The following UBR2 variants were observed in gnomAD, a reference collection of about 807,000 sequenced individuals.
UBR2 encodes E3 ubiquitin-protein ligase UBR2.
UBR2 carries 92 observed loss-of-function variants against 247.9 expected under a neutral mutation model. The observed-to-expected ratio is 0.37, with a 90% CI of 0.31 to 0.44. The LOEUF is 0.44. Among genes scored for constraint, UBR2 ranks in the 20% least tolerant of loss-of-function variants. The probability of loss-of-function intolerance (pLI) is 1.00; values close to 1 mark genes in which losing one functional copy is unlikely to be tolerated. For missense variants in UBR2, 1,613 were observed against 2,112.6 expected, an observed-to-expected ratio of 0.76 and a Z score of 4.64; for synonymous variants, 672 against 693.5, an observed-to-expected ratio of 0.97 and a Z score of 0.49.
At chr6:42,574,926 T>C (rs1791405204) in intron 2 of UBR2, among the ~76,000 whole-genome samples, 1 of 151,984 alleles carries the variant, frequency 6.6e-6, no homozygotes, top group South Asian at 2.1e-4. Flanking sequence ...CTCAAACTCC[T>C]GACCTCAGAT....
intron 5 of UBR2, among the ~76,000 whole-genome samples, chr6:42,604,887 C>T (rs1457525421): frequency 6.6e-6 from 1 of 151,942 alleles, no homozygotes; most frequent in African/African-American, 2.4e-5. Flanking sequence ...ATTAGCTGGG[C>T]AGGGTAGTGC....
chr6:42,630,144 G>GTAGTAT (rs199623381), intron 11 of UBR2, among the ~76,000 whole-genome samples: 3,479 of 150,120 alleles, frequency 0.023, 122 homozygotes, highest in African/African-American at 0.08. Context: ...AGTAGTAGTA[G>GTAGTAT]TAGTAGTAGT....
At chr6:42,606,711 T>C in intron 7 of UBR2, 60 bp downstream of exon 7, 1 of 1,394,598 alleles carries the variant, frequency 7.2e-7, no homozygotes, top group East Asian at 2.4e-5. Flanking sequence ...AGCTTCATAT[T>C]TCAGCATTTA....
chr6:42,595,206 A>G (rs1043423008), intron 4 of UBR2, among the ~76,000 whole-genome samples: 2 of 152,148 alleles, frequency 1.3e-5, no homozygotes, highest in African/African-American at 2.4e-5. Context: ...TATACAGTAA[A>G]TTGTTAATTA....
chr6:42,614,100 C>G (rs574590652), intron 8 of UBR2, among the ~76,000 whole-genome samples: 1 of 147,610 alleles, frequency 6.8e-6, no homozygotes, highest in Non-Finnish European at 1.5e-5. Context: ...TTGCGTGAAC[C>G]CAGGAGGCAG....
rs1207520022 is a variant in UBR2, at chr6:42,659,518, TATAC to T, written c.3243-136_3243-133del. 1,467 of 508,330 alleles carry T rather than the reference TATAC, an allele frequency of 2.9e-3. 2 individuals are homozygous for T. Among genetic ancestry groups the T allele is most frequent in the African/African-American group, 5.0e-3 (108 of 21,798 alleles). The allele number at this position is 508,330 out of a possible 1,614,324, so 31.5% of individuals were successfully genotyped here. On this transcript the variant is annotated intron_variant, in intron 29 of 46. Transcript: ENST00000372901. The surrounding 1 kb of genome is among the most constrained non-coding windows in gnomAD (Gnocchi z 4.3). ...CTGTCTCAAAAAATAAATAAATATATATACACACACACACACACACACACACACA... is the reference window on the plus strand; with the variant it reads ...CTGTCTCAAAAAATAAATAAATATATACACACACACACACACACACACACA...
At chr6:42,616,954 C>G (rs1325045400) in intron 10 of UBR2, among the ~76,000 whole-genome samples, 2 of 152,174 alleles carry the variant, frequency 1.3e-5, no homozygotes, top group African/African-American at 4.8e-5. Context: ...TGTGGTTTAG[C>G]TCCACCAGCA....
rs367660387 is a variant in UBR2, at chr6:42,684,744, A to G, written c.4776-50A>G. ...TGCACATGGAAGTGCCTCATAGTAT[A>G]ATATGACCTAAATTAATGGAGTGTT... On this transcript the variant is annotated intron_variant, in intron 43 of 46. Transcript: ENST00000372901. The G allele has an allele frequency of 1.4e-5, 21 of 1,456,488 alleles. No homozygotes were observed. In the African/African-American group the frequency reaches 2.8e-4, roughly 19 times the overall value. 90.2% of individuals were successfully genotyped at this position (1,456,488 alleles called of 1,614,324 possible). A position where few individuals can be genotyped will look rare whatever the true frequency, so the allele number is the denominator to read the frequency against.
chr6:42,597,183 A>T (rs16895856), intron 4 of UBR2, among the ~76,000 whole-genome samples: 1 of 152,030 alleles, frequency 6.6e-6, no homozygotes, highest in African/African-American at 2.4e-5. Context: ...AATTTTAAGA[A>T]GACACCAGCA....
Position 42,678,679 on chromosome 6 carries a change from ACTTT to A in UBR2, c.4609+16_4609+19del. The A allele has an allele frequency of 1.2e-6, 2 of 1,604,924 alleles. No individual in the cohort carries two copies. The highest frequency in any genetic ancestry group is 1.7e-6 in the Non-Finnish European group (2 of 1,177,268). On this transcript the variant is annotated intron_variant, in intron 41 of 46. Coordinates refer to ENST00000372901, the MANE Select transcript of UBR2 (RefSeq NM_001363705.2). Reference sequence around the variant, plus strand: ...CCACCCGACATTCAAGGTAATTTATACTTTCTTTCAAAACGTAGGGAGAGTTAGT... The same window carrying A: ...CCACCCGACATTCAAGGTAATTTATACTTTCAAAACGTAGGGAGAGTTAGT...
intron 11 of UBR2, among the ~76,000 whole-genome samples, chr6:42,628,314 A>C (rs528040286): frequency 5.3e-5 from 8 of 152,270 alleles, no homozygotes. Context: ...TATTATGCAC[A>C]TCCCTGGTTA....
intron 2 of UBR2, among the ~76,000 whole-genome samples, chr6:42,588,519 G>A (rs958994003): frequency 6.6e-6 from 1 of 152,146 alleles, no homozygotes; most frequent in East Asian, 1.9e-4. Context: ...AGGAAAAATA[G>A]CCAGGCATAG....
At chr6:42,658,981 A>G (rs1264698421) in intron 29 of UBR2, among the ~76,000 whole-genome samples, 157 bp downstream of exon 29, 1 of 152,184 alleles carries the variant, frequency 6.6e-6, no homozygotes, top group Non-Finnish European at 1.5e-5. Flanking sequence ...ATTTAATCTT[A>G]GAAGTCTCTG....
At chr6:42,593,868 G>A (rs1052681704) in intron 3 of UBR2, among the ~76,000 whole-genome samples, 17 of 152,078 alleles carry the variant, frequency 1.1e-4, no homozygotes, top group Middle Eastern at 3.2e-3. Flanking sequence ...AACCTGTAGC[G>A]TAGATATCAG....
At chr6:42,606,017 G>A (rs1298228937) in intron 6 of UBR2, among the ~76,000 whole-genome samples, 158 bp downstream of exon 6, 2 of 152,130 alleles carry the variant, frequency 1.3e-5, no homozygotes, top group African/African-American at 4.8e-5. Flanking sequence ...GGCCAAGGCA[G>A]GCAGATCACG....
chr6:42,606,835 T>G (rs1206362682), intron 7 of UBR2, among the ~76,000 whole-genome samples, 184 bp downstream of exon 7: 1 of 152,204 alleles, frequency 6.6e-6, no homozygotes, highest in Admixed American at 6.5e-5. Context: ...GTAGGATTGA[T>G]ATAGAAAATG....
intron 15 of UBR2, among the ~76,000 whole-genome samples, chr6:42,638,363 A>AT (rs146988942): frequency 0.019 from 2,893 of 151,558 alleles, 78 homozygotes; most frequent in African/African-American, 0.067. Context: ...TTCTGAAGGC[A>AT]TTTTTTTTCA....
intron 2 of UBR2, among the ~76,000 whole-genome samples, chr6:42,583,439 G>C (rs1050462971): frequency 1.3e-5 from 2 of 151,348 alleles, no homozygotes; most frequent in African/African-American, 4.9e-5. Context: ...TAGAGGTGGG[G>C]TTTCCCCATG....
At chr6:42,662,355 C>T in intron 31 of UBR2, 78 bp downstream of exon 31, 1 of 949,318 alleles carries the variant, frequency 1.1e-6, no homozygotes, top group Non-Finnish European at 1.6e-6. Context: ...AAATTTCATT[C>T]TAGAAAAAAG....
Sources: gnomAD v4.1 joint callset for allele counts (sites outside exome capture counted in the v4.1 genomes callset) on GRCh38, gnomAD v4.1.1 for gene constraint, Gnocchi (gnomAD v3.1) non-coding constraint, MANE v1.5 for transcripts, NCBI Gene and HGNC (gene_info 2026-07-23, HGNC 2026-07-21) for gene names.